Variants in USP12 observed in about 807,000 individuals in gnomAD.
USP12 encodes the protein ubiquitin carboxyl-terminal hydrolase 12.
USP12 carries 19 observed loss-of-function variants against 45.5 expected under a neutral mutation model. The observed-to-expected ratio is 0.42, with a 90% CI of 0.29 to 0.61. The LOEUF (loss-of-function observed/expected upper bound fraction) is 0.61, where lower values mean the gene tolerates loss of function less well. Ranked by LOEUF, USP12 falls within the 20% of genes least tolerant of loss-of-function variation. The pLI is 0.22. For missense variants in USP12, 242 were observed against 447.7 expected (o/e 0.54, Z 4.15); for synonymous variants, 149 against 148.8 (o/e 1.00, Z -0.01).
chr13:27,161,013 G>A (rs538987945), intron 1 of USP12, among the ~76,000 whole-genome samples: 2 of 152,126 alleles, frequency 1.3e-5, no homozygotes, highest in South Asian at 2.1e-4. Flanking sequence ...TTTCAAGGCC[G>A]TTAAGTCTGA....
At chr13:27,095,289 C>G (rs1204788519) in intron 4 of USP12, among the ~76,000 whole-genome samples, 2 of 152,148 alleles carry the variant, frequency 1.3e-5, no homozygotes, top group East Asian at 3.8e-4. Context: ...CCTCCCTGAT[C>G]TGTATGATCC....
Position 27,082,439 on chromosome 13 carries a change from T to C in USP12, c.735-7051A>G, listed in dbSNP as rs368896667. 3.3e-5 allele frequency among the ~76,000 whole-genome samples: 5 copies of C among 152,348 alleles called. No homozygotes were observed. The East Asian group carries it at 5.8e-4, about 18-fold the overall frequency. On this transcript the variant is annotated intron_variant, in intron 6 of 8. Transcript: ENST00000282344. ...TAAGGGAATGTTGTGGCTAGTTTGA[T>C]CTTCTAACCAGGCCACTCAAACTTC...
chr13:27,167,014 T>C (rs2137850297), intron 1 of USP12, among the ~76,000 whole-genome samples: 1 of 152,136 alleles, frequency 6.6e-6, no homozygotes, highest in Admixed American at 6.5e-5. Flanking sequence ...AAACTATATC[T>C]AGGGAATACA....
At chr13:27,106,550 G>T (rs953090303) in intron 2 of USP12, among the ~76,000 whole-genome samples, 1 of 152,064 alleles carries the variant, frequency 6.6e-6, no homozygotes, top group Admixed American at 6.5e-5. Context: ...TGAAGATTTG[G>T]GGAGCACTAT....
intron 1 of USP12, among the ~76,000 whole-genome samples, chr13:27,121,860 CA>C (rs540968047): frequency 1.2e-4 from 16 of 137,552 alleles, no homozygotes; most frequent in East Asian, 2.1e-4. Context: ...GACTCTGTCT[CA>C]AAAAAAAAAA....
chr13:27,117,784 G>C (rs200455604), intron 1 of USP12: 11 of 518,182 alleles, frequency 2.1e-5, no homozygotes, highest in Non-Finnish European at 1.2e-5. Flanking sequence ...CAATCATAGC[G>C]TGTCACAGTT....
chr13:27,103,607 A>AATAACAAT (rs1555234499), intron 3 of USP12, among the ~76,000 whole-genome samples: 2 of 128,520 alleles, frequency 1.6e-5, no homozygotes, highest in African/African-American at 2.9e-5. Context: ...TCAAAAAAAA[A>AATAACAAT]AATAATAATA....
chr13:27,101,863 G>C (rs1424392176), intron 3 of USP12, among the ~76,000 whole-genome samples: 2 of 152,282 alleles, frequency 1.3e-5, no homozygotes, highest in Admixed American at 6.5e-5. Context: ...GGGAGACCAA[G>C]ACTTAAATTT....
At chr13:27,142,784 C>A (rs1485654050) in intron 1 of USP12, among the ~76,000 whole-genome samples, 1 of 152,040 alleles carries the variant, frequency 6.6e-6, no homozygotes, top group African/African-American at 2.4e-5. Context: ...AAATAAAAAT[C>A]TATCGTGACA....
At chr13:27,116,367 G>T in intron 2 of USP12, 149 bp downstream of exon 2, 16 of 374,900 alleles carry the variant, frequency 4.3e-5, no homozygotes, top group Non-Finnish European at 7.0e-5. Context: ...TTCCCTTAAA[G>T]ATCATTTCAA....
intron 1 of USP12, among the ~76,000 whole-genome samples, chr13:27,124,373 A>C (rs1236020249): frequency 6.6e-6 from 1 of 152,234 alleles, no homozygotes; most frequent in Non-Finnish European, 1.5e-5. Context: ...ACTATTTTAT[A>C]AAGTAGAGAA....
chr13:27,161,533 T>G (rs989042804), intron 1 of USP12, among the ~76,000 whole-genome samples: 1 of 151,042 alleles, frequency 6.6e-6, no homozygotes, highest in Middle Eastern at 3.4e-3. Context: ...CACTATAATT[T>G]TATACCTTTA....
intron 6 of USP12, among the ~76,000 whole-genome samples, chr13:27,086,190 AAAAAAAAAT>A (rs1220509239): frequency 7.6e-4 from 63 of 82,548 alleles, no homozygotes; most frequent in African/African-American, 2.1e-3. Flanking sequence ...AAAAAAAAAA[AAAAAAAAAT>A]ATATATATAT....
In USP12 at chr13:27,066,387, T is replaced by G. The variant is rs1472450092; in HGVS notation, c.*2896A>C. 1.3e-5 allele frequency: 2 copies of G among 152,196 alleles called. No homozygotes were observed. The allele number at this position is 152,196 out of a possible 1,614,324, so 9.4% of individuals were successfully genotyped here. ...GAGCCAGGACATGAGCGCTTTAGCCTCCCAGCTCCCAGCCAAATACCTCAT... is the reference window on the plus strand; with the variant it reads ...GAGCCAGGACATGAGCGCTTTAGCCGCCCAGCTCCCAGCCAAATACCTCAT... On this transcript the variant is annotated 3_prime_UTR_variant, in exon 9 of 9. Transcript: ENST00000282344.
intron 6 of USP12, among the ~76,000 whole-genome samples, chr13:27,076,029 C>CAAAAAAAAAAAAAAAAAAAA (rs11458818): frequency 6.2e-4 from 61 of 97,914 alleles, no homozygotes; most frequent in Middle Eastern, 5.7e-3. Flanking sequence ...GGCTCCGTCT[C>CAAAAAAAAAAAAAAAAAAAA]AAAAAAAAAA....
At chr13:27,124,474 T>A (rs1876136128) in intron 1 of USP12, among the ~76,000 whole-genome samples, 1 of 152,234 alleles carries the variant, frequency 6.6e-6, no homozygotes, top group African/African-American at 2.4e-5. Context: ...GCCAAACTAT[T>A]AGTTTCCACA....
At chr13:27,115,357 T>C (rs772616762) in intron 2 of USP12, among the ~76,000 whole-genome samples, 5 of 152,262 alleles carry the variant, frequency 3.3e-5, no homozygotes, top group South Asian at 2.1e-4. Context: ...TGATTCTTTG[T>C]TATAGGTTTT....
At chr13:27,120,064 CA>C (rs1875912636) in intron 1 of USP12, among the ~76,000 whole-genome samples, 2 of 152,202 alleles carry the variant, frequency 1.3e-5, no homozygotes, top group South Asian at 4.1e-4. Context: ...TTTTCAACAC[CA>C]AAGTTAGATA....
At chr13:27,083,554 T>C (rs1873862015) in intron 6 of USP12, among the ~76,000 whole-genome samples, 1 of 152,160 alleles carries the variant, frequency 6.6e-6, no homozygotes, top group South Asian at 2.1e-4. Flanking sequence ...CTATATGCTT[T>C]AACCTCCCAT....
Sources: gnomAD v4.1 joint callset for allele counts (sites outside exome capture counted in the v4.1 genomes callset) on GRCh38, gnomAD v4.1.1 for gene constraint, MANE v1.5 for transcripts, NCBI Gene and HGNC (gene_info 2026-07-23, HGNC 2026-07-21) for gene names.